Variants in PTBP3 observed in about 807,000 individuals in gnomAD.
The protein encoded by PTBP3 is polypyrimidine tract-binding protein 3.
In PTBP3, 20 loss-of-function variants were observed where a neutral mutation model predicts 58.7. The observed-to-expected ratio is 0.34, with a 90% CI of 0.24 to 0.50. PTBP3 has a LOEUF of 0.50. Ranked by LOEUF, PTBP3 falls within the 20% of genes least tolerant of loss-of-function variation. The probability of loss-of-function intolerance (pLI) is 0.98; values close to 1 mark genes in which losing one functional copy is unlikely to be tolerated. For synonymous variants in PTBP3, 185 were observed against 219.8 expected, an observed-to-expected ratio of 0.84 and a Z score of 1.40; for missense variants, 509 against 637.2, an observed-to-expected ratio of 0.80 and a Z score of 2.17.
chr9:112,350,889 C>T, the PTBP3 span, among the ~76,000 whole-genome samples: 5 of 152,162 alleles, frequency 3.3e-5, no homozygotes, highest in Non-Finnish European at 5.9e-5. Flanking sequence ...ACCTCCGCCT[C>T]CTTGGTTCAA....
At chr9:112,359,866 T>C in the PTBP3 span, among the ~76,000 whole-genome samples, 2 of 150,374 alleles carry the variant, frequency 1.3e-5, no homozygotes, top group African/African-American at 2.4e-5. Flanking sequence ...TTCAAAACAA[T>C]ACAATATACA....
At chr9:112,296,392 T>C (rs1318040623) in intron 2 of PTBP3, among the ~76,000 whole-genome samples, 1 of 152,134 alleles carries the variant, frequency 6.6e-6, no homozygotes. Flanking sequence ...TATTAATAGT[T>C]ACATTAAAAT....
At position 112,237,260 on chromosome 9, in the gene PTBP3, C is replaced by A. The variant is rs150138338; in HGVS notation, c.803-2363G>T. ...ATATAATCCACACTCCCTAAATGAG[C>A]AGAAACAGAAACATCATATAGCAAA... is the stretch of plus-strand genomic sequence containing the variant. On this transcript the variant is annotated intron_variant, in intron 7 of 13. Coordinates refer to ENST00000374257, the MANE Select transcript of PTBP3 (RefSeq NM_001163788.4). Among the ~76,000 whole-genome samples the A allele has an allele frequency of 3.1e-3, 478 of 152,194 alleles. 3 individuals carry two copies. The highest frequency in any genetic ancestry group is 0.011 in the African/African-American group (457 of 41,544).
At chr9:112,333,919 C>G (rs1360718304), upstream of PTBP3, among the ~76,000 whole-genome samples, 2 of 148,934 alleles carry the variant, frequency 1.3e-5, no homozygotes, top group Non-Finnish European at 1.5e-5. Flanking sequence ...TTGTGCTTCC[C>G]GCTCCGCCGC....
chr9:112,250,857 C>T, intron 7 of PTBP3, 72 bp downstream of exon 7: 1 of 1,351,958 alleles, frequency 7.4e-7, no homozygotes, highest in African/African-American at 1.5e-5. Flanking sequence ...GGCTTATAAA[C>T]ATACATGGCT....
the PTBP3 span, among the ~76,000 whole-genome samples, chr9:112,355,463 T>G: frequency 6.6e-5 from 10 of 152,182 alleles, no homozygotes; most frequent in African/African-American, 2.4e-4. Context: ...TAGATACAAA[T>G]GTATTTCTCA....
intron 5 of PTBP3, 89 bp from the exon 6 acceptor site, chr9:112,252,877 T>C: frequency 7.5e-6 from 6 of 799,936 alleles, no homozygotes; most frequent in Non-Finnish European, 9.7e-6. Context: ...TAAATCCTTT[T>C]AAATGAAAAT....
chr9:112,303,806 G>C (rs1829050996), intron 1 of PTBP3, among the ~76,000 whole-genome samples: 1 of 152,028 alleles, frequency 6.6e-6, no homozygotes, highest in Non-Finnish European at 1.5e-5. Context: ...AGAGGTTGCA[G>C]TGAGCCAAGA....
chr9:112,313,308 ATCC>A (rs2132400483), intron 1 of PTBP3, among the ~76,000 whole-genome samples: 1 of 152,248 alleles, frequency 6.6e-6, no homozygotes, highest in African/African-American at 2.4e-5. Context: ...GGCTCGAATA[ATCC>A]TCCTACCTCA....
intron 1 of PTBP3, among the ~76,000 whole-genome samples, chr9:112,308,544 A>C (rs1280951583): frequency 6.6e-6 from 1 of 152,052 alleles, no homozygotes; most frequent in Admixed American, 6.6e-5. Context: ...CTGCTATGAT[A>C]ACAGATTACG....
chr9:112,352,924 A>G, the PTBP3 span, among the ~76,000 whole-genome samples: 1 of 150,916 alleles, frequency 6.6e-6, no homozygotes, highest in Non-Finnish European at 1.5e-5. Flanking sequence ...TTTTTGAGAC[A>G]GAGTCTTCTG....
chr9:112,374,213 G>A, the PTBP3 span, among the ~76,000 whole-genome samples: 1 of 152,150 alleles, frequency 6.6e-6, no homozygotes, highest in South Asian at 2.1e-4. Context: ...TTAGCCCATT[G>A]ACTTAAAAGG....
At chr9:112,349,518 T>C in the PTBP3 span, among the ~76,000 whole-genome samples, 1 of 152,142 alleles carries the variant, frequency 6.6e-6, no homozygotes, top group Non-Finnish European at 1.5e-5. Flanking sequence ...GGCTGTGTTA[T>C]GGGACTTGAA....
chr9:112,319,533 T>C (rs1829836836), intron 1 of PTBP3, among the ~76,000 whole-genome samples: 1 of 152,126 alleles, frequency 6.6e-6, no homozygotes, highest in African/African-American at 2.4e-5. Context: ...AGAATAGCTA[T>C]TATCAAAAAA....
At position 112,222,790 on chromosome 9, in the gene PTBP3, T is replaced by A; in HGVS notation, c.*1061A>T. On this transcript the variant is annotated 3_prime_UTR_variant, in exon 14 of 14. Coordinates refer to ENST00000374257, the MANE Select transcript of PTBP3 (RefSeq NM_001163788.4). ...TCTAACCTATTGTATCTTAAGCACA[T>A]AATAAGGCACATAATAAGAAATTAA... is the stretch of plus-strand genomic sequence containing the variant. 4.3e-6 allele frequency: 4 copies of A among 922,920 alleles called. No individual in the cohort carries two copies. Among genetic ancestry groups the A allele is most frequent in the Non-Finnish European group, 5.2e-6 (4 of 772,728 alleles). The allele number at this position is 922,920 out of a possible 1,614,324, so 57.2% of individuals were successfully genotyped here.
the PTBP3 span, among the ~76,000 whole-genome samples, chr9:112,365,193 T>C: frequency 6.6e-6 from 1 of 152,240 alleles, no homozygotes; most frequent in Non-Finnish European, 1.5e-5. Flanking sequence ...TGTATGTATC[T>C]ATCTATACAT....
At chr9:112,345,784 T>C in the PTBP3 span, among the ~76,000 whole-genome samples, 1 of 152,182 alleles carries the variant, frequency 6.6e-6, no homozygotes, top group Non-Finnish European at 1.5e-5. Flanking sequence ...TATCTAATAT[T>C]AAAATTTGTA....
intron 1 of PTBP3, among the ~76,000 whole-genome samples, chr9:112,332,073 G>C (rs1830398189): frequency 6.6e-6 from 1 of 150,902 alleles, no homozygotes; most frequent in African/African-American, 2.4e-5. Context: ...AAGGTAATGT[G>C]AAATAAGTTT....
At chr9:112,259,420 ACTCT>A (rs1836501696) in intron 5 of PTBP3, among the ~76,000 whole-genome samples, 1 of 151,962 alleles carries the variant, frequency 6.6e-6, no homozygotes, top group African/African-American at 2.4e-5. Flanking sequence ...GGGCTTTCTT[ACTCT>A]CTCTATTCCA....
Sources: allele counts gnomAD v4.1 joint callset (sites outside exome capture counted in the v4.1 genomes callset), GRCh38; gene constraint gnomAD v4.1.1; transcripts MANE v1.5; gene names NCBI Gene and HGNC (gene_info 2026-07-23, HGNC 2026-07-21).